RYK: variants seen among roughly 807,000 people sequenced by gnomAD.
RYK encodes the protein receptor like tyrosine kinase, also known as inactive tyrosine-protein kinase RYK.
RYK carries 21 observed loss-of-function variants against 70.2 expected under a neutral mutation model. The observed-to-expected ratio is 0.30, with a 90% CI of 0.21 to 0.43. The LOEUF is 0.43. Among genes scored for constraint, RYK ranks in the 20% least tolerant of loss-of-function variants. The probability of loss-of-function intolerance (pLI) is 1.00; values close to 1 mark genes in which losing one functional copy is unlikely to be tolerated. For synonymous variants in RYK, 267 were observed against 278.0 expected (o/e 0.96, Z 0.39); for missense variants, 604 against 753.3 (o/e 0.80, Z 2.32).
At chr3:134,158,605 G>C (rs978226551) in intron 14 of RYK, among the ~76,000 whole-genome samples, 4 of 152,192 alleles carry the variant, frequency 2.6e-5, no homozygotes, top group African/African-American at 9.7e-5. Context: ...TTTTATCTAA[G>C]TTCTATGAAC....
At chr3:134,198,128 G>C (rs942558088) in intron 6 of RYK, among the ~76,000 whole-genome samples, 1 of 152,192 alleles carries the variant, frequency 6.6e-6, no homozygotes, top group African/African-American at 2.4e-5. Context: ...TGGAAAATGA[G>C]ATTAAAATGT....
At chr3:134,177,054 A>C (rs1332232257) in intron 11 of RYK, among the ~76,000 whole-genome samples, 10 of 106,726 alleles carry the variant, frequency 9.4e-5, no homozygotes, top group East Asian at 6.1e-4. Flanking sequence ...TCAAAAAAAA[A>C]CACAAAAAAC....
intron 1 of RYK, among the ~76,000 whole-genome samples, chr3:134,238,452 C>T (rs796806351): frequency 1.8e-4 from 28 of 152,238 alleles, no homozygotes; most frequent in African/African-American, 5.8e-4. Flanking sequence ...CATAAATATA[C>T]CCCTTCTTCC....
chr3:134,229,379 GGA>G (rs1491162496), intron 1 of RYK, among the ~76,000 whole-genome samples: 10 of 61,440 alleles, frequency 1.6e-4, no homozygotes, highest in South Asian at 5.4e-4. Context: ...CCTTTGGGCT[GGA>G]AAAAAAAAAA....
chr3:134,173,640 CCCATGATCCAATTATCT>C (rs1188942018), intron 13 of RYK, among the ~76,000 whole-genome samples: 1 of 152,050 alleles, frequency 6.6e-6, no homozygotes, highest in Non-Finnish European at 1.5e-5. Flanking sequence ...GAACCTGCCC[CCCATGATCCAATTATCT>C]CCACCCTTGG....
chr3:134,250,109 G>T (rs1559770854), intron 1 of RYK, among the ~76,000 whole-genome samples: 1 of 152,092 alleles, frequency 6.6e-6, no homozygotes, highest in South Asian at 2.1e-4. Context: ...AGGAAAAAAA[G>T]TTGTAAGGGT....
At chr3:134,246,985 A>G (rs1247583749) in intron 1 of RYK, among the ~76,000 whole-genome samples, 2 of 146,926 alleles carry the variant, frequency 1.4e-5, no homozygotes, top group Non-Finnish European at 3.0e-5. Flanking sequence ...TGCTACCTGG[A>G]AAAAAAAAAA....
In RYK at chr3:134,175,321, C is replaced by T. The variant is rs139211167; in HGVS notation, c.1575+288G>A. ...TTGCGCCATTGCACTCCAGCCTGGG[C>T]TACAAGAGTGGAACTCTGTCTTAAA... On this transcript the variant is annotated intron_variant, in intron 13 of 14. Transcript: ENST00000623711. 2.9e-3 allele frequency among the ~76,000 whole-genome samples: 436 copies of T among 148,190 alleles called. 1 individual carries two copies. The highest frequency in any genetic ancestry group is 0.01 in the African/African-American group (407 of 39,624).
At chr3:134,244,199 T>C (rs910244435) in intron 1 of RYK, among the ~76,000 whole-genome samples, 9 of 152,120 alleles carry the variant, frequency 5.9e-5, no homozygotes, top group African/African-American at 1.2e-4. Flanking sequence ...GTTTATACCA[T>C]TCCCCACCCA....
chr3:134,220,027 C>CA (rs1397990261), intron 2 of RYK, among the ~76,000 whole-genome samples: 2 of 152,178 alleles, frequency 1.3e-5, no homozygotes, highest in African/African-American at 4.8e-5. Flanking sequence ...TTACCACCAC[C>CA]AGTCATGGGA....
chr3:134,222,607 TC>T, intron 1 of RYK, 68 bp from the exon 2 acceptor site: 1 of 1,298,172 alleles, frequency 7.7e-7, no homozygotes, highest in Non-Finnish European at 1.1e-6. Context: ...TATCAGTATT[TC>T]AAATACAAAT....
chr3:134,173,183 A>G (rs1217167295), intron 13 of RYK, among the ~76,000 whole-genome samples: 1 of 152,082 alleles, frequency 6.6e-6, no homozygotes, highest in Non-Finnish European at 1.5e-5. Context: ...CAGGAGGCTG[A>G]GGCAGGAGAA....
chr3:134,202,696 T>C, intron 6 of RYK, 34 bp downstream of exon 6: 12 of 1,599,428 alleles, frequency 7.5e-6, no homozygotes, highest in Non-Finnish European at 1.0e-5. Flanking sequence ...ATAACTGCTT[T>C]CATTTTTTTT....
intron 1 of RYK, among the ~76,000 whole-genome samples, chr3:134,239,660 C>T (rs759058743): frequency 2.0e-5 from 3 of 152,144 alleles, no homozygotes; most frequent in Non-Finnish European, 1.5e-5. Context: ...CTTGTTTACT[C>T]ATTTGTTCCA....
At chr3:134,237,295 CTCTT>C (rs1402268813) in intron 1 of RYK, among the ~76,000 whole-genome samples, 3 of 152,178 alleles carry the variant, frequency 2.0e-5, no homozygotes, top group Non-Finnish European at 4.4e-5. Context: ...CAAACCATCT[CTCTT>C]TATTTTAAAA....
intron 2 of RYK, among the ~76,000 whole-genome samples, chr3:134,216,021 G>A (rs1375654018): frequency 1.5e-5 from 2 of 135,560 alleles, no homozygotes; most frequent in Admixed American, 8.1e-5. Context: ...GGGTGACAGA[G>A]TGAGACTCAG....
rs147145120 is a variant in RYK at position 134,242,970 on chromosome 3, T to C, written c.232+7453A>G. ...CCACCAAAACGCCTAGGGTTAAGGA[T>C]TTGCTGCAGAGTGCTAACCTCCCAA... On this transcript the variant is annotated intron_variant, in intron 1 of 14. Coordinates refer to ENST00000623711, the MANE Select transcript of RYK (RefSeq NM_002958.4). Among the ~76,000 whole-genome samples the C allele has an allele frequency of 2.8e-3, 425 of 152,248 alleles. 1 individual carries two copies. Among genetic ancestry groups the C allele is most frequent in the African/African-American group, 9.7e-3 (403 of 41,536 alleles).
rs150037834 is a variant in RYK, at chr3:134,204,796, T to C, written c.644-1922A>G. Among the ~76,000 whole-genome samples the C allele has an allele frequency of 1.1e-4, 17 of 152,314 alleles. 2 individuals carry two copies. Among genetic ancestry groups the C allele is most frequent in the African/African-American group, 4.1e-4 (17 of 41,576 alleles). ...GAACAAAACTTGAGGCATTTGGGGT[T>C]TATCCTAAGTGAGATGGGGGATCAT... On this transcript the variant is annotated intron_variant, in intron 5 of 14. Coordinates refer to ENST00000623711, the MANE Select transcript of RYK (RefSeq NM_002958.4).
Position 134,211,608 on chromosome 3 carries a change from C to T in RYK, c.355-1G>A. ...CTTGGAATCCCAGCTTATATTCAACCTGTAAAATAGACAAAAATAAACAAA... is the reference window on the plus strand; with the variant it reads ...CTTGGAATCCCAGCTTATATTCAACTTGTAAAATAGACAAAAATAAACAAA... On this transcript the variant is annotated splice_acceptor_variant, in intron 2 of 14. Coordinates refer to ENST00000623711, the MANE Select transcript of RYK (RefSeq NM_002958.4). LOFTEE classifies it high-confidence loss of function. The T allele has an allele frequency of 6.2e-7, 1 of 1,608,600 alleles. No individual in the cohort carries two copies. The highest frequency in any genetic ancestry group is 8.5e-7 in the Non-Finnish European group (1 of 1,175,376).
Sources: gnomAD v4.1 joint callset for allele counts (sites outside exome capture counted in the v4.1 genomes callset) on GRCh38, gnomAD v4.1.1 for gene constraint, MANE v1.5 for transcripts, NCBI Gene and HGNC (gene_info 2026-07-23, HGNC 2026-07-21) for gene names.